The following WWC1 variants were observed in gnomAD, a reference collection of about 807,000 sequenced individuals.
WWC1 encodes the protein WW and C2 domain containing 1.
A neutral mutation model predicts 138.4 loss-of-function variants in WWC1; 55 were observed. The observed-to-expected ratio is 0.40, with a 90% CI of 0.32 to 0.50. WWC1 has a LOEUF of 0.50. WWC1 is among the 20% of genes least tolerant of loss of function. The pLI is 0.72. For synonymous variants in WWC1, 524 were observed against 564.9 expected, an observed-to-expected ratio of 0.93 and a Z score of 1.03; for missense variants, 1,226 against 1,420.4, an observed-to-expected ratio of 0.86 and a Z score of 2.20.
chr5:168,303,097 C>G (rs1018069854), intron 1 of WWC1, among the ~76,000 whole-genome samples: 2 of 152,142 alleles, frequency 1.3e-5, no homozygotes, highest in Admixed American at 6.6e-5. Flanking sequence ...CTCAATTATC[C>G]CCGTTTTGCA....
At chr5:168,448,664 G>C (rs1376448062) in intron 17 of WWC1, among the ~76,000 whole-genome samples, 1 of 138,326 alleles carries the variant, frequency 7.2e-6, no homozygotes, top group Non-Finnish European at 1.5e-5. Context: ...TGTCACCCAG[G>C]CTGGAGTGCA....
At position 168,343,483 on chromosome 5, in the gene WWC1, G is replaced by A. The variant is rs560613235; in HGVS notation, c.120-27941G>A. ...CCCATGCCTCCACACCATGCTGCTTGTCAGCAGCAGCACGCAGAGCTGGTT... is the reference window on the plus strand; with the variant it reads ...CCCATGCCTCCACACCATGCTGCTTATCAGCAGCAGCACGCAGAGCTGGTT... On this transcript the variant is annotated intron_variant, in intron 1 of 22. Coordinates refer to ENST00000265293, the MANE Select transcript of WWC1 (RefSeq NM_015238.3). 2.6e-5 allele frequency among the ~76,000 whole-genome samples: 4 copies of A among 152,184 alleles called. No homozygotes were observed. The East Asian group carries it at 5.8e-4, about 22-fold the overall frequency.
Position 168,292,145 on chromosome 5 carries a change from T to G in WWC1, c.-8T>G. ...CTGCATGGGGGAGCGCCGGCAGCGC[T>G]TGGGAAGATGCCCCGGCCGGAGCTG... On this transcript the variant is annotated 5_prime_UTR_variant, in exon 1 of 23. Coordinates refer to ENST00000265293, the MANE Select transcript of WWC1 (RefSeq NM_015238.3). The surrounding 1 kb of genome is among the most constrained non-coding windows in gnomAD (Gnocchi z 4.4). The G allele has an allele frequency of 6.5e-7, 1 of 1,536,592 alleles. No homozygotes were observed. The highest frequency in any genetic ancestry group is 1.2e-5 in the South Asian group (1 of 82,046).
At chr5:168,462,524 A>T (rs892849303) in intron 20 of WWC1, among the ~76,000 whole-genome samples, 1 of 152,222 alleles carries the variant, frequency 6.6e-6, no homozygotes, top group African/African-American at 2.4e-5. Context: ...AAAGCTCCTT[A>T]GGGGCTTCTG....
At chr5:168,408,388 TG>T in intron 6 of WWC1, 118 bp from the exon 7 acceptor site, 1 of 1,200,438 alleles carries the variant, frequency 8.3e-7, no homozygotes, top group Non-Finnish European at 1.2e-6. Context: ...GTAGGATATC[TG>T]GGGAGGGCAC....
At chr5:168,431,202 C>T (rs377116683) in intron 14 of WWC1, 50 bp from the exon 15 acceptor site, 36 of 1,519,020 alleles carry the variant, frequency 2.4e-5, no homozygotes, top group Non-Finnish European at 3.1e-5. Flanking sequence ...AACATTTTAG[C>T]CCCAGACATG....
intron 1 of WWC1, among the ~76,000 whole-genome samples, chr5:168,327,345 C>T (rs1406720239): frequency 6.6e-6 from 1 of 152,180 alleles, no homozygotes; most frequent in Non-Finnish European, 1.5e-5. Context: ...ACATGTATGT[C>T]TCATGCTGAC....
intron 2 of WWC1, among the ~76,000 whole-genome samples, chr5:168,376,136 C>T (rs1310043408): frequency 6.6e-6 from 1 of 151,856 alleles, no homozygotes; most frequent in Non-Finnish European, 1.5e-5. Context: ...TCACTGCAAC[C>T]TCCGCCTCCC....
At chr5:168,366,802 CTTTTTTTT>C (rs202012790) in intron 1 of WWC1, among the ~76,000 whole-genome samples, 40,694 of 101,322 alleles carry the variant, frequency 0.4, 6,522 homozygotes, top group Admixed American at 0.51. Context: ...CTTTGAAACA[CTTTTTTTT>C]TTTTTTTTTT....
chr5:168,418,904 C>T (rs1189488769), intron 9 of WWC1, among the ~76,000 whole-genome samples: 2 of 152,140 alleles, frequency 1.3e-5, no homozygotes, highest in Non-Finnish European at 2.9e-5. Context: ...ACTGTGCACC[C>T]CCACCCCAGC....
intron 1 of WWC1, among the ~76,000 whole-genome samples, chr5:168,368,064 T>C (rs1433284196): frequency 6.6e-6 from 1 of 151,842 alleles, no homozygotes; most frequent in Non-Finnish European, 1.5e-5. Context: ...GCATCTTTCA[T>C]GTTAGCAAAA....
chr5:168,320,472 C>T (rs1771972304), intron 1 of WWC1, among the ~76,000 whole-genome samples: 2 of 152,154 alleles, frequency 1.3e-5, no homozygotes, highest in South Asian at 2.1e-4. Flanking sequence ...AACTTGGTGA[C>T]TTTGAGTCAG....
At position 168,311,239 on chromosome 5, in the gene WWC1, A is replaced by G. The variant is rs143342427; in HGVS notation, c.119+18968A>G. Among the ~76,000 whole-genome samples, 1,359 of 151,808 alleles carry G rather than the reference A, an allele frequency of 9.0e-3. 12 individuals are homozygous for G. Among genetic ancestry groups the G allele is most frequent in the Middle Eastern group, 0.017 (5 of 294 alleles). ...ACATCTGTCATCTGCCTCCCTCCCTACTTCCAGCAGGAAGGGGTCTGCTTC... is the reference window on the plus strand; with the variant it reads ...ACATCTGTCATCTGCCTCCCTCCCTGCTTCCAGCAGGAAGGGGTCTGCTTC... On this transcript the variant is annotated intron_variant, in intron 1 of 22. Coordinates refer to ENST00000265293, the MANE Select transcript of WWC1 (RefSeq NM_015238.3).
In WWC1 at chr5:168,447,622, C is replaced by T. The variant is rs576835235; in HGVS notation, c.2525+3037C>T. Among the ~76,000 whole-genome samples, 14 of 152,208 alleles carry T rather than the reference C, an allele frequency of 9.2e-5. No individual in the cohort carries two copies. The East Asian group carries it at 1.4e-3, about 15-fold the overall frequency. On this transcript the variant is annotated intron_variant, in intron 17 of 22. Transcript: ENST00000265293. ...AAACAAAGCAGCAGACAGGATTGGG[C>T]CCACTGGCTGTAGTTTGCTGGTTCT... is the stretch of plus-strand genomic sequence containing the variant.
chr5:168,368,868 C>T (rs777908049), intron 1 of WWC1, among the ~76,000 whole-genome samples: 35 of 152,168 alleles, frequency 2.3e-4, no homozygotes, highest in Non-Finnish European at 2.2e-4. Flanking sequence ...GGCCTGGAGA[C>T]GGCTTTGGGG....
chr5:168,408,578 C>T lies in WWC1; in HGVS notation c.792C>T (p.Ser264=), dbSNP rs1221343829. ...ACTCAGACCTGTGGTCCAGCAGCAG[C>T]TCTCTGGAGAGTTCGAGTTTCCCGC... The part of the protein sequence containing the change: ...GSHSDLWSSS[S]SLESSSFPLP... The change falls in exon 7 of 23, where the codon AGC becomes AGT. Residue 264 remains serine (S), a synonymous_variant. Coordinates refer to ENST00000265293, the MANE Select transcript of WWC1 (RefSeq NM_015238.3). The T allele has an allele frequency of 6.2e-7, 1 of 1,614,218 alleles. No homozygotes were observed. The highest frequency in any genetic ancestry group is 8.5e-7 in the Non-Finnish European group (1 of 1,180,044).
At chr5:168,320,034 CTTT>C (rs199986266) in intron 1 of WWC1, among the ~76,000 whole-genome samples, 3 of 140,612 alleles carry the variant, frequency 2.1e-5, no homozygotes, top group Non-Finnish European at 3.1e-5. Context: ...TATATATACA[CTTT>C]TTTTTTTTTT....
At chr5:168,319,997 C>G (rs558240634) in intron 1 of WWC1, among the ~76,000 whole-genome samples, 30 of 150,916 alleles carry the variant, frequency 2.0e-4, no homozygotes, top group Non-Finnish European at 4.1e-4. Flanking sequence ...GTTTGCATTT[C>G]CCTAGTGATG....
At chr5:168,323,088 A>G (rs895718109) in intron 1 of WWC1, among the ~76,000 whole-genome samples, 10 of 152,254 alleles carry the variant, frequency 6.6e-5, no homozygotes, top group African/African-American at 2.4e-4. Context: ...CTGTTTAGAT[A>G]TGTTTAAAGA....
Sources: gnomAD v4.1 joint callset for allele counts (sites outside exome capture counted in the v4.1 genomes callset) on GRCh38, gnomAD v4.1.1 for gene constraint, Gnocchi (gnomAD v3.1) non-coding constraint, MANE v1.5 for transcripts, NCBI Gene and HGNC (gene_info 2026-07-23, HGNC 2026-07-21) for gene names.